CACHD1: variants seen among roughly 807,000 people sequenced by gnomAD.
CACHD1 encodes VWFA and cache domain-containing protein 1.
CACHD1 carries 71 observed loss-of-function variants against 138.7 expected under a neutral mutation model. The ratio of observed to expected loss-of-function variants is 0.51; its 90% CI spans 0.42 to 0.62. The LOEUF (loss-of-function observed/expected upper bound fraction) is 0.62, where lower values mean the gene tolerates loss of function less well. Among genes scored for constraint, CACHD1 ranks in the 20% least tolerant of loss-of-function variants. The pLI, the probability that CACHD1 is intolerant of heterozygous loss-of-function variation, is 0.00. For synonymous variants in CACHD1, 578 were observed against 591.5 expected, an observed-to-expected ratio of 0.98 and a Z score of 0.33; for missense variants, 1,389 against 1,625.3, an observed-to-expected ratio of 0.85 and a Z score of 2.50.
intron 1 of CACHD1, among the ~76,000 whole-genome samples, chr1:64,533,357 A>G (rs1646604387): frequency 6.6e-6 from 1 of 152,238 alleles, no homozygotes; most frequent in African/African-American, 2.4e-5. Context: ...CCCTGTCTCA[A>G]AAACAAGAGA....
intron 1 of CACHD1, among the ~76,000 whole-genome samples, chr1:64,482,887 A>G (rs1646219400): frequency 6.6e-6 from 1 of 152,206 alleles, no homozygotes. Flanking sequence ...AGGAAAGAAC[A>G]CAGACTTACT....
At chr1:64,603,013 G>T in intron 4 of CACHD1, 101 bp downstream of exon 4, 1 of 543,324 alleles carries the variant, frequency 1.8e-6, no homozygotes. Flanking sequence ...TTGAAGAGAA[G>T]TATTATATAC....
intron 4 of CACHD1, among the ~76,000 whole-genome samples, chr1:64,605,323 T>C (rs550414265): frequency 3.9e-5 from 6 of 152,328 alleles, no homozygotes; most frequent in African/African-American, 1.4e-4. Flanking sequence ...TAGTGTGTAT[T>C]TAAATAAGAT....
intron 4 of CACHD1, among the ~76,000 whole-genome samples, chr1:64,625,392 C>T (rs1003972188): frequency 3.9e-5 from 6 of 152,116 alleles, no homozygotes; most frequent in African/African-American, 1.4e-4. Flanking sequence ...TTTGGGAGGC[C>T]AAGGCAGGCG....
intron 1 of CACHD1, among the ~76,000 whole-genome samples, chr1:64,508,046 C>T (rs1052251510): frequency 2.6e-5 from 4 of 152,132 alleles, no homozygotes; most frequent in South Asian, 2.1e-4. Flanking sequence ...AACTTAAAAC[C>T]GTGGTGGAAG....
intron 26 of CACHD1, among the ~76,000 whole-genome samples, chr1:64,689,876 C>T (rs1650492374): frequency 6.6e-6 from 1 of 152,152 alleles, no homozygotes; most frequent in South Asian, 2.1e-4. Context: ...TTAGATATTC[C>T]CTCTTCTGGA....
At chr1:64,527,790 G>A (rs919887518) in intron 1 of CACHD1, among the ~76,000 whole-genome samples, 4 of 152,076 alleles carry the variant, frequency 2.6e-5, no homozygotes, top group African/African-American at 9.7e-5. Flanking sequence ...ATGTTGATCT[G>A]ATTGCCAGTA....
At chr1:64,587,235 T>TA (rs2100548255) in intron 3 of CACHD1, among the ~76,000 whole-genome samples, 1 of 152,354 alleles carries the variant, frequency 6.6e-6, no homozygotes, top group African/African-American at 2.4e-5. Flanking sequence ...TTTTTATAAG[T>TA]AATTTTAACT....
chr1:64,673,515 A>G, intron 19 of CACHD1, 51 bp downstream of exon 19: 3 of 1,383,618 alleles, frequency 2.2e-6, no homozygotes, highest in Non-Finnish European at 2.1e-6. Flanking sequence ...CCATTATGGA[A>G]CATGAATTGG....
intron 4 of CACHD1, among the ~76,000 whole-genome samples, chr1:64,622,348 A>G (rs1570425689): frequency 1.3e-5 from 2 of 152,176 alleles, no homozygotes; most frequent in South Asian, 4.1e-4. Context: ...TTCCAGGTAA[A>G]CCAGCCTGAA....
chr1:64,624,142 C>G (rs1648015687), intron 4 of CACHD1, among the ~76,000 whole-genome samples: 1 of 152,228 alleles, frequency 6.6e-6, no homozygotes, highest in African/African-American at 2.4e-5. Flanking sequence ...TCATTACCAT[C>G]ATATCCATCA....
At chr1:64,610,293 T>C (rs1430012811) in intron 4 of CACHD1, among the ~76,000 whole-genome samples, 1 of 152,198 alleles carries the variant, frequency 6.6e-6, no homozygotes, top group Admixed American at 6.5e-5. Flanking sequence ...AATCATGCCC[T>C]TCTAAGAGTC....
intron 1 of CACHD1, among the ~76,000 whole-genome samples, chr1:64,550,174 G>T (rs975531405): frequency 6.6e-6 from 1 of 152,164 alleles, no homozygotes; most frequent in Non-Finnish European, 1.5e-5. Flanking sequence ...ACTGAACAGG[G>T]ACATGAGAGA....
chr1:64,655,035 A>G (rs187096839), intron 12 of CACHD1, among the ~76,000 whole-genome samples: 70 of 152,330 alleles, frequency 4.6e-4, no homozygotes, highest in African/African-American at 1.3e-3. Context: ...ATCAAACCAT[A>G]TAAAAGGATG....
intron 1 of CACHD1, among the ~76,000 whole-genome samples, chr1:64,535,197 C>T (rs1646621895): frequency 1.3e-5 from 2 of 152,154 alleles, no homozygotes; most frequent in Non-Finnish European, 2.9e-5. Flanking sequence ...TTTGCCCCCT[C>T]TAAGTGGTTT....
chr1:64,679,140 C>G (rs1376997150), intron 23 of CACHD1, among the ~76,000 whole-genome samples: 1 of 152,148 alleles, frequency 6.6e-6, no homozygotes, highest in Non-Finnish European at 1.5e-5. Flanking sequence ...CTGGAAAGCA[C>G]AAATGGCCTT....
chr1:64,540,853 C>T (rs1460982154), intron 1 of CACHD1, among the ~76,000 whole-genome samples: 1 of 152,188 alleles, frequency 6.6e-6, no homozygotes, highest in Non-Finnish European at 1.5e-5. Flanking sequence ...AATTGTGACT[C>T]TCCCACATGC....
At chr1:64,672,871 C>T (rs1649861624) in intron 17 of CACHD1, among the ~76,000 whole-genome samples, 1 of 151,930 alleles carries the variant, frequency 6.6e-6, no homozygotes, top group Admixed American at 6.6e-5. Context: ...GGTCTGAGTC[C>T]ATCTTACTCG....
intron 1 of CACHD1, among the ~76,000 whole-genome samples, chr1:64,517,033 A>G (rs1360296200): frequency 6.6e-6 from 1 of 152,210 alleles, no homozygotes; most frequent in Non-Finnish European, 1.5e-5. Context: ...GGATGCTGTT[A>G]GTACCTATTT....
Sources: allele counts gnomAD v4.1 joint callset (sites outside exome capture counted in the v4.1 genomes callset), GRCh38; gene constraint gnomAD v4.1.1; transcripts MANE v1.5; gene names NCBI Gene and HGNC (gene_info 2026-07-23, HGNC 2026-07-21).